The following SIPA1L3 variants were observed in gnomAD, a reference collection of about 807,000 sequenced individuals.
The protein encoded by SIPA1L3 is signal induced proliferation associated 1 like 3.
In SIPA1L3, 59 loss-of-function variants were observed where a neutral mutation model predicts 150.1. The ratio of observed to expected loss-of-function variants is 0.39; its 90% CI spans 0.32 to 0.49. The LOEUF is 0.49. Among genes scored for constraint, SIPA1L3 ranks in the 20% least tolerant of loss-of-function variants. SIPA1L3 has a pLI of 0.86. For synonymous variants in SIPA1L3, 1,070 were observed against 1,077.6 expected, an observed-to-expected ratio of 0.99 and a Z score of 0.14; for missense variants, 2,211 against 2,489.5, an observed-to-expected ratio of 0.89 and a Z score of 2.38.
Position 38,046,845 on chromosome 19 carries a change from C to G in SIPA1L3, c.-311+17689C>G, listed in dbSNP as rs1197448688. On this transcript the variant is annotated intron_variant, in intron 2 of 21. Transcript: ENST00000222345. This position sits in a 1 kb window ranked among gnomAD's most constrained non-coding sequence, Gnocchi z 5.6. ...CCGCTCAGAGCAAGGTGGCTCTGAT[C>G]CTGCAGGAGGGGGCTCTCTTTGAGA... is the stretch of plus-strand genomic sequence containing the variant. Among the ~76,000 whole-genome samples, 1 of 152,178 alleles carries G rather than the reference C, an allele frequency of 6.6e-6. No individual in the cohort carries two copies. The highest frequency in any genetic ancestry group is 1.5e-5 in the Non-Finnish European group (1 of 68,034).
At chr19:37,952,757 G>A (rs1213688318) in intron 1 of SIPA1L3, among the ~76,000 whole-genome samples, 1 of 152,242 alleles carries the variant, frequency 6.6e-6, no homozygotes, top group Non-Finnish European at 1.5e-5. Flanking sequence ...CACTTTGCTA[G>A]ACTTTCCTGA....
chr19:38,162,396 T>A (rs1972112779), intron 14 of SIPA1L3, 25 bp downstream of exon 14: 1 of 1,579,540 alleles, frequency 6.3e-7, no homozygotes, highest in African/African-American at 1.3e-5. Flanking sequence ...CACCCTGCCC[T>A]ACCGGGGGAG....
chr19:38,194,134 G>T (rs914528512), intron 18 of SIPA1L3, among the ~76,000 whole-genome samples: 1 of 134,424 alleles, frequency 7.4e-6, no homozygotes, highest in South Asian at 2.7e-4. Flanking sequence ...ACCCATTCCA[G>T]CTCTAAGCGG....
intron 16 of SIPA1L3, chr19:38,184,853 G>T (rs780169808): frequency 1.3e-5 from 2 of 152,110 alleles, no homozygotes; most frequent in Non-Finnish European, 2.9e-5. Context: ...AATGATGCAG[G>T]CTCACATTGA....
At chr19:38,014,318 A>C (rs1968176767) in intron 1 of SIPA1L3, among the ~76,000 whole-genome samples, 1 of 152,160 alleles carries the variant, frequency 6.6e-6, no homozygotes, top group South Asian at 2.1e-4. Flanking sequence ...TGGTGGGATG[A>C]ACTAAGCGGA....
intron 1 of SIPA1L3, among the ~76,000 whole-genome samples, chr19:37,963,507 A>C (rs1195704977): frequency 6.6e-6 from 1 of 152,256 alleles, no homozygotes; most frequent in Non-Finnish European, 1.5e-5. Context: ...GCCCCAGTCC[A>C]GCCACAAAGT....
chr19:37,971,527 G>A (rs1001178235), intron 1 of SIPA1L3, among the ~76,000 whole-genome samples: 1 of 151,248 alleles, frequency 6.6e-6, no homozygotes, highest in African/African-American at 2.4e-5. Context: ...ATCCATTTCT[G>A]TCTGGCTTCT....
chr19:37,956,233 A>G (rs1393445414), intron 1 of SIPA1L3, among the ~76,000 whole-genome samples: 1 of 152,076 alleles, frequency 6.6e-6, no homozygotes, highest in Non-Finnish European at 1.5e-5. Flanking sequence ...ATCTCATTGT[A>G]GTTGTGATTT....
chr19:38,021,336 C>G lies in SIPA1L3; in HGVS notation c.-378-7753C>G, dbSNP rs1968368961. Among the ~76,000 whole-genome samples, 6 of 152,250 alleles carry G rather than the reference C, an allele frequency of 3.9e-5. No individual in the cohort carries two copies. In the South Asian group the frequency reaches 8.3e-4, roughly 21 times the overall value. ...CTGGCAGGTTCAGTGGCTGACAGGT[C>G]AACACCAGCACTGCTCTGACCCTCT... is the stretch of plus-strand genomic sequence containing the variant. On this transcript the variant is annotated intron_variant, in intron 1 of 21. Coordinates refer to ENST00000222345, the MANE Select transcript of SIPA1L3 (RefSeq NM_015073.3).
chr19:38,028,380 C>T (rs781180590), intron 1 of SIPA1L3, among the ~76,000 whole-genome samples: 92 of 152,258 alleles, frequency 6.0e-4, no homozygotes, highest in Non-Finnish European at 1.1e-3. Flanking sequence ...TCCTGAGATG[C>T]TCCACATCTG....
intron 1 of SIPA1L3, among the ~76,000 whole-genome samples, chr19:37,993,076 A>G (rs1413695060): frequency 6.6e-6 from 1 of 152,162 alleles, no homozygotes; most frequent in Non-Finnish European, 1.5e-5. Context: ...AGGACAGCAG[A>G]ATAGTGAGGG....
intron 15 of SIPA1L3, among the ~76,000 whole-genome samples, chr19:38,172,715 A>G (rs1972354265): frequency 6.6e-6 from 1 of 152,128 alleles, no homozygotes; most frequent in African/African-American, 2.4e-5. Context: ...GCCTGGTTCT[A>G]GCGGGCATAT....
At chr19:37,926,335 G>A (rs562241656) in intron 1 of SIPA1L3, among the ~76,000 whole-genome samples, 19 of 152,300 alleles carry the variant, frequency 1.2e-4, no homozygotes, top group Middle Eastern at 3.4e-3. Flanking sequence ...CCAGCAAGAG[G>A]CTGCCCCTTT....
In SIPA1L3 at chr19:38,137,353, T is replaced by C. The variant is rs990806855; in HGVS notation, c.3144-3831T>C. On this transcript the variant is annotated intron_variant, in intron 10 of 21. Transcript: ENST00000222345. ...ATAGGCACGTGCCACCATGCCTGGC[T>C]AATTTTTGTATTTTTAGTAGAGATG... Among the ~76,000 whole-genome samples, 71 of 152,104 alleles carry C rather than the reference T, an allele frequency of 4.7e-4. 1 individual carries two copies. Among genetic ancestry groups the C allele is most frequent in the Non-Finnish European group, 4.4e-5 (3 of 68,028 alleles).
chr19:37,931,674 CAGAAGG>C (rs932906449), intron 1 of SIPA1L3, among the ~76,000 whole-genome samples: 1 of 152,144 alleles, frequency 6.6e-6, no homozygotes, highest in African/African-American at 2.4e-5. Context: ...CCCTTGAATC[CAGAAGG>C]CGGAGGTTGC....
chr19:37,954,251 T>G (rs1451461813), intron 1 of SIPA1L3, among the ~76,000 whole-genome samples: 1 of 152,178 alleles, frequency 6.6e-6, no homozygotes, highest in East Asian at 1.9e-4. Context: ...GCTTTGACAT[T>G]CATGATCCTA....
At position 38,093,482 on chromosome 19, in the gene SIPA1L3, C is replaced by T. The variant is rs77893024; in HGVS notation, c.1665+4631C>T. 2.6e-4 allele frequency among the ~76,000 whole-genome samples: 39 copies of T among 152,204 alleles called. No individual in the cohort carries two copies. The East Asian group carries it at 6.8e-3, about 26-fold the overall frequency. ...GCTCGGTGAGGTTGCACATACCAAG[C>T]AGGCAGTGGGGGACCTGACACTTGA... is the stretch of plus-strand genomic sequence containing the variant. On this transcript the variant is annotated intron_variant, in intron 4 of 21. Transcript: ENST00000222345.
chr19:38,101,483 A>G (rs1970502444), intron 6 of SIPA1L3, among the ~76,000 whole-genome samples: 2 of 152,008 alleles, frequency 1.3e-5, no homozygotes, highest in Non-Finnish European at 2.9e-5. Context: ...ATCCCATCTC[A>G]CTGCAACCTC....
intron 1 of SIPA1L3, among the ~76,000 whole-genome samples, chr19:37,934,246 C>A (rs903121500): frequency 6.6e-6 from 1 of 152,190 alleles, no homozygotes; most frequent in African/African-American, 2.4e-5. Context: ...CACCAGGGGA[C>A]TGAGGTGCTG....
Sources: allele counts gnomAD v4.1 joint callset (sites outside exome capture counted in the v4.1 genomes callset), GRCh38; gene constraint gnomAD v4.1.1; non-coding constraint Gnocchi (gnomAD v3.1); transcripts MANE v1.5; gene names NCBI Gene and HGNC (gene_info 2026-07-23, HGNC 2026-07-21).